SYNPR: variants seen among roughly 807,000 people sequenced by gnomAD.
SYNPR encodes synaptoporin.
Under a neutral mutation model 32.9 loss-of-function variants are expected in SYNPR, and 23 were observed. The observed-to-expected ratio is 0.70, with a 90% CI of 0.50 to 0.99. SYNPR has a LOEUF of 0.99. Ranked by LOEUF, SYNPR falls within the 50% of genes least tolerant of loss-of-function variation. The pLI is 0.00. For missense variants in SYNPR, 318 were observed against 349.3 expected (o/e 0.91, Z 0.71); for synonymous variants, 146 against 135.9 (o/e 1.07, Z -0.52).
At chr3:63,577,266 T>C (rs1703001630) in intron 4 of SYNPR, among the ~76,000 whole-genome samples, 1 of 152,194 alleles carries the variant, frequency 6.6e-6, no homozygotes, top group Non-Finnish European at 1.5e-5. Context: ...CCTAATTGAA[T>C]TCAACAAACA....
At chr3:63,219,441 C>T in the SYNPR span, among the ~76,000 whole-genome samples, 2 of 152,066 alleles carry the variant, frequency 1.3e-5, no homozygotes, top group Admixed American at 6.6e-5. Flanking sequence ...TATGGGAAAC[C>T]TTTGAAGAGT....
chr3:63,537,498 T>C (rs1019147495), intron 3 of SYNPR, among the ~76,000 whole-genome samples: 4 of 152,158 alleles, frequency 2.6e-5, no homozygotes, highest in Non-Finnish European at 5.9e-5. Flanking sequence ...TATGTGTCAG[T>C]CTTTCATTAG....
chr3:63,376,507 C>G (rs2107061262), intron 2 of SYNPR, among the ~76,000 whole-genome samples: 1 of 152,254 alleles, frequency 6.6e-6, no homozygotes, highest in South Asian at 2.1e-4. Flanking sequence ...TTTCACCACT[C>G]TGGGCTTCTT....
At chr3:63,452,089 GT>G (rs1267458285) in intron 2 of SYNPR, 3 of 701,742 alleles carry the variant, frequency 4.3e-6, no homozygotes, top group Middle Eastern at 2.3e-4. Context: ...TTTCTCAAAC[GT>G]TTTTTCTCTG....
intron 2 of SYNPR, among the ~76,000 whole-genome samples, chr3:63,313,680 C>CATATATATCCATATATATATATCCATAT (rs1179596394): frequency 6.4e-5 from 4 of 62,916 alleles, no homozygotes; most frequent in South Asian, 8.9e-4. Context: ...AATTAATACA[C>CATATATATCCATATATATATATCCATAT]ATATATATCC....
rs145338312 is a variant in SYNPR at position 63,559,137 on chromosome 3, G to A, written c.408+2396G>A. Among the ~76,000 whole-genome samples the A allele has an allele frequency of 1.5e-3, 222 of 148,672 alleles. 1 individual carries two copies. The highest frequency in any genetic ancestry group is 8.8e-3 in the East Asian group (45 of 5,096). On this transcript the variant is annotated intron_variant, in intron 4 of 5. Transcript: ENST00000478300. The stretch of plus-strand genomic sequence containing the variant: ...GGCTGCTGTGTAGTGGAGCGATCTC[G>A]GCTCACTTCAACCTTCACCTCCTGG...
chr3:63,500,230 G>A (rs181413054), intron 3 of SYNPR, among the ~76,000 whole-genome samples: 53 of 152,160 alleles, frequency 3.5e-4, no homozygotes, highest in South Asian at 3.1e-3. Context: ...CATCCTAAAC[G>A]ATAATACCCT....
At chr3:63,283,953 C>A (rs1001308774) in intron 2 of SYNPR, among the ~76,000 whole-genome samples, 10 of 151,656 alleles carry the variant, frequency 6.6e-5, no homozygotes, top group African/African-American at 2.4e-4. Context: ...GGACTACAGG[C>A]GCCTGCCACC....
chr3:63,284,897 G>T (rs1416987737), intron 2 of SYNPR, among the ~76,000 whole-genome samples: 2 of 152,146 alleles, frequency 1.3e-5, no homozygotes, highest in African/African-American at 4.8e-5. Context: ...TGTTGAATCT[G>T]TGTAACTTTA....
chr3:63,502,706 A>G (rs116831153), intron 3 of SYNPR, among the ~76,000 whole-genome samples: 1,781 of 152,216 alleles, frequency 0.012, 33 homozygotes, highest in African/African-American at 0.04. Context: ...AGTTTTCTCC[A>G]TGTCTTTTCT....
chr3:63,595,720 TATATATATATATATATATATATATA>T lies in SYNPR; in HGVS notation c.409-13404_409-13380del, dbSNP rs1559546099. On this transcript the variant is annotated intron_variant, in intron 4 of 5. Coordinates refer to ENST00000478300, the MANE Select transcript of SYNPR (RefSeq NM_001130003.2). The stretch of plus-strand genomic sequence containing the variant: ...GGTGGGACTTCTGAATCTTATTTTA[TATATATATATATATATATATATATA>T]TATATATATATATATATATATATAA... 6.1e-3 allele frequency among the ~76,000 whole-genome samples: 59 copies of T among 9,748 alleles called. 1 individual carries two copies. Among genetic ancestry groups the T allele is most frequent in the African/African-American group, 7.8e-3 (55 of 7,080 alleles). The allele number at this position is 9,748 out of a possible 152,430, so 6.4% of individuals were successfully genotyped here.
chr3:63,555,627 C>G (rs1221017455), intron 3 of SYNPR, among the ~76,000 whole-genome samples: 1 of 152,078 alleles, frequency 6.6e-6, no homozygotes, highest in Non-Finnish European at 1.5e-5. Context: ...AGAGTTTACT[C>G]ACTAAAATAG....
intron 2 of SYNPR, among the ~76,000 whole-genome samples, chr3:63,473,052 CT>C (rs1303545319): frequency 6.6e-6 from 1 of 152,220 alleles, no homozygotes; most frequent in East Asian, 1.9e-4. Context: ...TAACTCTCTT[CT>C]TTTTCTCTTA....
chr3:63,458,345 G>A, intron 2 of SYNPR, among the ~76,000 whole-genome samples: 1 of 152,066 alleles, frequency 6.6e-6, no homozygotes, highest in African/African-American at 2.4e-5. Flanking sequence ...TTTGGCCTGA[G>A]CTTAGCTGGG....
At chr3:63,556,878 C>T in intron 4 of SYNPR, 137 bp downstream of exon 4, 1 of 880,646 alleles carries the variant, frequency 1.1e-6, no homozygotes, top group Non-Finnish European at 1.7e-6. Context: ...ATCCAAATCT[C>T]TCGAAGCCAC....
rs1009214588 is a variant in SYNPR, at chr3:63,407,961, G to A, written c.85-72871G>A. On this transcript the variant is annotated intron_variant, in intron 2 of 5. Transcript: ENST00000478300. ...TGGCAAAGATACTGGACATACTAAG[G>A]CCATCTTTCTATTGAATGATTCACG... Among the ~76,000 whole-genome samples the A allele has an allele frequency of 7.9e-5, 12 of 151,910 alleles. 1 individual carries two copies. The South Asian group carries it at 2.3e-3, about 29-fold the overall frequency.
At chr3:63,445,628 T>C (rs1271982124) in intron 2 of SYNPR, 1 of 649,214 alleles carries the variant, frequency 1.5e-6, no homozygotes, top group East Asian at 2.7e-5. Flanking sequence ...ACATGGCTTA[T>C]CCCCTTTAAT....
intron 2 of SYNPR, among the ~76,000 whole-genome samples, chr3:63,364,904 A>C (rs1342416571): frequency 6.6e-6 from 1 of 152,204 alleles, no homozygotes; most frequent in Non-Finnish European, 1.5e-5. Flanking sequence ...GGGTAAATGA[A>C]TATCCTCGGT....
chr3:63,351,874 G>A (rs74815018), intron 2 of SYNPR, among the ~76,000 whole-genome samples: 18 of 152,320 alleles, frequency 1.2e-4, no homozygotes, highest in African/African-American at 4.3e-4. Context: ...AAGAATGAAT[G>A]ATAATTGACT....
Sources: allele counts gnomAD v4.1 joint callset (sites outside exome capture counted in the v4.1 genomes callset), GRCh38; gene constraint gnomAD v4.1.1; transcripts MANE v1.5; gene names NCBI Gene and HGNC (gene_info 2026-07-23, HGNC 2026-07-21).